The following PRKG1 variants were observed in gnomAD, a reference collection of about 807,000 sequenced individuals.
PRKG1 encodes protein kinase cGMP-dependent 1.
In PRKG1, 35 loss-of-function variants were observed where a neutral mutation model predicts 88.1. The ratio of observed to expected loss-of-function variants is 0.40; its 90% confidence interval spans 0.30 to 0.53. The LOEUF is 0.53. Ranked by LOEUF, PRKG1 falls within the 20% of genes least tolerant of loss-of-function variation. PRKG1 has a pLI of 0.59. For synonymous variants in PRKG1, 303 were observed against 292.5 expected (o/e 1.04, Z -0.37); for missense variants, 540 against 839.8 (o/e 0.64, Z 4.41).
intron 5 of PRKG1, among the ~76,000 whole-genome samples, chr10:51,956,207 T>C (rs1035753821): frequency 7.2e-5 from 11 of 152,082 alleles, no homozygotes; most frequent in African/African-American, 2.2e-4. Context: ...ATTATTTTGT[T>C]GGTATTTTTG....
At chr10:52,115,255 T>C (rs1310553876) in intron 7 of PRKG1, among the ~76,000 whole-genome samples, 1 of 152,100 alleles carries the variant, frequency 6.6e-6, no homozygotes. Flanking sequence ...TTTTAATTCA[T>C]TCTTTCTCCC....
intron 4 of PRKG1, among the ~76,000 whole-genome samples, chr10:51,870,322 G>A (rs1376224960): frequency 3.3e-5 from 5 of 152,008 alleles, no homozygotes; most frequent in South Asian, 2.1e-4. Context: ...TATAAAAGAC[G>A]TCTTGTTCCT....
At chr10:51,778,458 G>A (rs1302723628) in intron 3 of PRKG1, among the ~76,000 whole-genome samples, 1 of 152,168 alleles carries the variant, frequency 6.6e-6, no homozygotes, top group Non-Finnish European at 1.5e-5. Flanking sequence ...TAAGGCAGCA[G>A]AATGCAGGGG....
At chr10:51,075,168 A>G (rs1329821901) in intron 1 of PRKG1, among the ~76,000 whole-genome samples, 2 of 152,210 alleles carry the variant, frequency 1.3e-5, no homozygotes, top group Admixed American at 6.5e-5. Context: ...CACCTAGTGT[A>G]CGTAGAGTTT....
At chr10:52,202,943 T>C (rs751752277) in intron 9 of PRKG1, among the ~76,000 whole-genome samples, 10 of 152,072 alleles carry the variant, frequency 6.6e-5, no homozygotes, top group Non-Finnish European at 1.2e-4. Flanking sequence ...TCTATCATTC[T>C]TATTTATTCT....
rs148780812 is a variant in PRKG1 at position 51,074,605 on chromosome 10, G to A, written c.15G>A (p.Arg5=). The change falls in exon 1 of 18, where the codon CGG becomes CGA. Residue 5 remains arginine (R), a synonymous_variant. Coordinates refer to ENST00000373980, the MANE Select transcript of PRKG1 (RefSeq NM_006258.4). MGTL[R]DLQYALQEKI... ...CCCGGAGGAGCATGGGCACCTTGCG[G>A]GATTTACAGTACGCGCTCCAGGAGA... 2 of 1,612,086 alleles carry A rather than the reference G, an allele frequency of 1.2e-6. No individual in the cohort carries two copies. The highest frequency in any genetic ancestry group is 1.7e-6 in the Non-Finnish European group (2 of 1,178,582).
chr10:51,932,397 G>C (rs11000179), intron 5 of PRKG1, among the ~76,000 whole-genome samples: 57,410 of 151,862 alleles, frequency 0.38, 12,183 homozygotes, highest in African/African-American at 0.56. Flanking sequence ...TGTTAGTCAT[G>C]AGGGCTTTAT....
intron 2 of PRKG1, among the ~76,000 whole-genome samples, chr10:51,224,948 C>T (rs1838650179): frequency 6.6e-6 from 1 of 152,102 alleles, no homozygotes; most frequent in Admixed American, 6.6e-5. Flanking sequence ...CATCGCCTAC[C>T]CCCTGCCCCA....
chr10:52,221,509 T>G (rs901305248), intron 9 of PRKG1, among the ~76,000 whole-genome samples: 1 of 152,264 alleles, frequency 6.6e-6, no homozygotes, highest in East Asian at 1.9e-4. Flanking sequence ...TGGTACTTAA[T>G]TTTTTGCATA....
At chr10:52,079,670 T>C (rs1481591000) in intron 7 of PRKG1, among the ~76,000 whole-genome samples, 1 of 152,140 alleles carries the variant, frequency 6.6e-6, no homozygotes, top group Non-Finnish European at 1.5e-5. Context: ...GTTGGATATG[T>C]GGGCTACTCA....
chr10:51,753,485 C>T (rs1010437684), intron 3 of PRKG1, among the ~76,000 whole-genome samples: 3 of 152,036 alleles, frequency 2.0e-5, no homozygotes, highest in African/African-American at 7.2e-5. Flanking sequence ...TCAGGAGCAA[C>T]TAAGATGATT....
chr10:51,185,897 T>C (rs1399021670), intron 2 of PRKG1, among the ~76,000 whole-genome samples: 1 of 151,920 alleles, frequency 6.6e-6, no homozygotes, highest in Non-Finnish European at 1.5e-5. Flanking sequence ...TTTTAAGTCA[T>C]TTCCTTAGGA....
intron 5 of PRKG1, among the ~76,000 whole-genome samples, chr10:51,970,494 G>A (rs1367219072): frequency 3.3e-5 from 5 of 150,642 alleles, no homozygotes; most frequent in East Asian, 1.9e-4. Flanking sequence ...AAGAAATTTC[G>A]AACAGATAAA....
chr10:51,820,600 T>A (rs1839718734), intron 4 of PRKG1, among the ~76,000 whole-genome samples: 1 of 152,144 alleles, frequency 6.6e-6, no homozygotes, highest in African/African-American at 2.4e-5. Flanking sequence ...ACACATACCC[T>A]TGCTATGGCT....
chr10:51,906,159 G>T (rs949463012), intron 4 of PRKG1, among the ~76,000 whole-genome samples: 1 of 152,178 alleles, frequency 6.6e-6, no homozygotes, highest in Admixed American at 6.6e-5. Flanking sequence ...TCGGCCTGGA[G>T]AAAGGTGTGT....
intron 1 of PRKG1, among the ~76,000 whole-genome samples, chr10:51,036,972 T>C (rs1287842158): frequency 6.6e-6 from 1 of 152,208 alleles, no homozygotes; most frequent in African/African-American, 2.4e-5. Context: ...GGAAATGACA[T>C]ACAGCTAATG....
chr10:51,302,555 A>AG (rs1840919299), intron 2 of PRKG1: 1 of 50,826 alleles, frequency 2.0e-5, no homozygotes, highest in Admixed American at 2.8e-4. Flanking sequence ...GCAAAACATC[A>AG]CTTTTTTTTT....
At chr10:51,957,067 CCTCT>C (rs747117012) in intron 5 of PRKG1, among the ~76,000 whole-genome samples, 6 of 148,368 alleles carry the variant, frequency 4.0e-5, no homozygotes, top group East Asian at 2.0e-4. Flanking sequence ...CTCCCCATCT[CCTCT>C]CTCTCTTTCT....
chr10:51,164,703 AGGAGCTGAT>A (rs1467212943), intron 2 of PRKG1, among the ~76,000 whole-genome samples: 1 of 152,198 alleles, frequency 6.6e-6, no homozygotes, highest in African/African-American at 2.4e-5. Context: ...AAGTGCTTAA[AGGAGCTGAT>A]GGAGCTGAAA....
Sources: gnomAD v4.1 joint callset for allele counts (sites outside exome capture counted in the v4.1 genomes callset) on GRCh38, gnomAD v4.1.1 for gene constraint, MANE v1.5 for transcripts, NCBI Gene and HGNC (gene_info 2026-07-23, HGNC 2026-07-21) for gene names.